CRB1: variants seen among roughly 807,000 people sequenced by gnomAD.
The protein encoded by CRB1 is crumbs cell polarity complex component 1, also known as protein crumbs homolog 1.
In CRB1, 83 loss-of-function variants were observed where a neutral mutation model predicts 120.0. The observed-to-expected ratio is 0.69, with a 90% CI of 0.58 to 0.83. CRB1 has a LOEUF of 0.83. Among genes scored for constraint, CRB1 ranks in the 40% least tolerant of loss-of-function variants. CRB1 has a pLI of 0.00. For missense variants in CRB1, 1,699 were observed against 1,687.6 expected, an observed-to-expected ratio of 1.01 and a Z score of -0.12; for synonymous variants, 625 against 612.5, an observed-to-expected ratio of 1.02 and a Z score of -0.30.
the CRB1 span, among the ~76,000 whole-genome samples, chr1:197,239,778 G>T: frequency 6.7e-6 from 1 of 149,312 alleles, no homozygotes; most frequent in Non-Finnish European, 1.5e-5. Flanking sequence ...CTGAATTCTA[G>T]TTTTGATATA....
At chr1:197,311,444 C>A (rs1000359721) in intron 1 of CRB1, among the ~76,000 whole-genome samples, 1 of 152,106 alleles carries the variant, frequency 6.6e-6, no homozygotes, top group South Asian at 2.1e-4. Context: ...AGATGAATAA[C>A]CCCTGGAAAT....
In CRB1 at chr1:197,438,576, G is replaced by T; in HGVS notation, c.3779G>T (p.Gly1260Val). The T allele has an allele frequency of 1.2e-6, 2 of 1,612,762 alleles. No individual in the cohort carries two copies. The highest frequency in any genetic ancestry group is 1.1e-5 in the South Asian group (1 of 91,066). The change falls in exon 10 of 12, where the codon GGG (glycine) becomes GTG (valine). Residue 1260 changes from glycine to valine, a missense_variant. Physicochemically the swap from Gly to Val is moderately radical, Grantham distance 109. Transcript: ENST00000367400. ...RQSRLPSTVC[G>V]NEKTNLTCYN... Reference sequence around the variant, plus strand: ...AGCAGATTACCCTCAACAGTCTGTGGGAATGAGAAGACAAATCTCACTTGC... The same window carrying T: ...AGCAGATTACCCTCAACAGTCTGTGTGAATGAGAAGACAAATCTCACTTGC...
chr1:197,410,604 T>C (rs1358099361), intron 5 of CRB1, among the ~76,000 whole-genome samples: 1 of 152,238 alleles, frequency 6.6e-6, no homozygotes, highest in East Asian at 1.9e-4. Context: ...TTACTGCTCT[T>C]CCCTTTTTAC....
chr1:197,342,442 C>T (rs531379765), intron 2 of CRB1, among the ~76,000 whole-genome samples: 1 of 152,254 alleles, frequency 6.6e-6, no homozygotes. Flanking sequence ...TAGTGGAAAG[C>T]CCCATTTTCT....
At chr1:197,201,555 C>A in the CRB1 span, among the ~76,000 whole-genome samples, 4 of 152,234 alleles carry the variant, frequency 2.6e-5, no homozygotes, top group African/African-American at 9.6e-5. Flanking sequence ...TCCGGGTTTT[C>A]GCAGTGGCTC....
At chr1:197,455,058 C>T (rs866294809) in intron 11 of CRB1, among the ~76,000 whole-genome samples, 56 of 152,070 alleles carry the variant, frequency 3.7e-4, no homozygotes, top group African/African-American at 1.3e-3. Flanking sequence ...CATATTATTT[C>T]TTGTCCAATT....
chr1:197,348,121 A>T (rs554470803), intron 4 of CRB1, among the ~76,000 whole-genome samples: 3 of 152,342 alleles, frequency 2.0e-5, no homozygotes, highest in Admixed American at 6.5e-5. Flanking sequence ...CCACATATAC[A>T]ACCGTGGTCC....
intron 7 of CRB1, among the ~76,000 whole-genome samples, chr1:197,428,471 A>G (rs1044090337): frequency 6.6e-6 from 1 of 152,246 alleles, no homozygotes; most frequent in Non-Finnish European, 1.5e-5. Context: ...CTTCCGAAAT[A>G]TAATTTCTCA....
At chr1:197,299,693 G>C (rs976416467) in intron 1 of CRB1, among the ~76,000 whole-genome samples, 5 of 152,152 alleles carry the variant, frequency 3.3e-5, no homozygotes, top group Admixed American at 2.6e-4. Flanking sequence ...ATGAACTACT[G>C]TTATGTGCAA....
upstream of CRB1, chr1:197,268,078 T>C: frequency 3.3e-6 from 1 of 299,180 alleles, no homozygotes; most frequent in South Asian, 4.1e-5. Context: ...TTGAAGACAC[T>C]ATTCTAATGT....
At chr1:197,338,382 A>T (rs1372957152) in intron 2 of CRB1, among the ~76,000 whole-genome samples, 1 of 152,162 alleles carries the variant, frequency 6.6e-6, no homozygotes, top group Non-Finnish European at 1.5e-5. Flanking sequence ...AGGAATGAAG[A>T]ATGAGCTCAC....
At chr1:197,210,883 C>G in the CRB1 span, among the ~76,000 whole-genome samples, 1 of 152,162 alleles carries the variant, frequency 6.6e-6, no homozygotes, top group East Asian at 1.9e-4. Flanking sequence ...GCTGATCTCT[C>G]ATGGCCTTAA....
At chr1:197,390,429 G>C (rs1348009097) in intron 5 of CRB1, among the ~76,000 whole-genome samples, 1 of 152,020 alleles carries the variant, frequency 6.6e-6, no homozygotes, top group Non-Finnish European at 1.5e-5. Flanking sequence ...TAGAGACTCT[G>C]AGCAAGCCAA....
chr1:197,348,395 G>C (rs537174980), intron 4 of CRB1, among the ~76,000 whole-genome samples: 1 of 152,184 alleles, frequency 6.6e-6, no homozygotes, highest in Non-Finnish European at 1.5e-5. Context: ...TGTGTGCTTG[G>C]TTCTTAATTT....
intron 8 of CRB1, among the ~76,000 whole-genome samples, chr1:197,430,640 G>A (rs549690401): frequency 6.6e-6 from 1 of 151,928 alleles, no homozygotes; most frequent in African/African-American, 2.4e-5. Flanking sequence ...ACTTCATTCA[G>A]GTTTCTACAC....
chr1:197,268,568 C>A, intron 1 of CRB1, 86 bp downstream of exon 1: 1 of 1,035,580 alleles, frequency 9.7e-7, no homozygotes, highest in Non-Finnish European at 1.5e-6. Context: ...GTTGCATGTT[C>A]TATAAAATAC....
chr1:197,356,766 T>C, intron 4 of CRB1, 65 bp from the exon 5 acceptor site: 1 of 1,547,236 alleles, frequency 6.5e-7, no homozygotes, highest in Non-Finnish European at 8.9e-7. Context: ...CAACCTCCTT[T>C]TAGGCAAATG....
At chr1:197,374,491 C>T (rs184536583) in intron 5 of CRB1, among the ~76,000 whole-genome samples, 117 of 152,132 alleles carry the variant, frequency 7.7e-4, no homozygotes, top group African/African-American at 2.7e-3. Flanking sequence ...GGGTAGTCAC[C>T]AAGCAAGAAC....
At chr1:197,307,045 T>G (rs957541527) in intron 1 of CRB1, among the ~76,000 whole-genome samples, 2 of 152,236 alleles carry the variant, frequency 1.3e-5, no homozygotes, top group African/African-American at 4.8e-5. Flanking sequence ...ATTTGTTCTA[T>G]TCAAAGATAT....
Sources: allele counts gnomAD v4.1 joint callset (sites outside exome capture counted in the v4.1 genomes callset), GRCh38; gene constraint gnomAD v4.1.1; transcripts MANE v1.5; gene names NCBI Gene and HGNC (gene_info 2026-07-23, HGNC 2026-07-21).